LHFPL2: variants seen among roughly 807,000 people sequenced by gnomAD.
LHFPL2 encodes the protein LHFPL tetraspan subfamily member 2 protein.
Under a neutral mutation model 17.5 loss-of-function variants are expected in LHFPL2, and 7 were observed. That is an observed-to-expected ratio of 0.40 (90% CI 0.23 to 0.75). The LOEUF (loss-of-function observed/expected upper bound fraction) is 0.75, where lower values mean the gene tolerates loss of function less well. Among genes scored for constraint, LHFPL2 ranks in the 30% least tolerant of loss-of-function variants. LHFPL2 has a pLI of 0.37. For missense variants in LHFPL2, 241 were observed against 294.8 expected (o/e 0.82, Z 1.34); for synonymous variants, 134 against 116.2 (o/e 1.15, Z -0.99).
chr5:78,609,376 G>A (rs890469772), intron 2 of LHFPL2, among the ~76,000 whole-genome samples: 1 of 150,354 alleles, frequency 6.7e-6, no homozygotes, highest in Non-Finnish European at 1.5e-5. Context: ...ACTGGAACCC[G>A]GGAGGCAGAG....
At chr5:78,581,342 G>A (rs1034139511) in intron 2 of LHFPL2, among the ~76,000 whole-genome samples, 10 of 152,242 alleles carry the variant, frequency 6.6e-5, no homozygotes, top group African/African-American at 2.4e-4. Flanking sequence ...AATAGGAGTG[G>A]TGAGAGAGGG....
intron 4 of LHFPL2, chr5:78,494,284 A>T (rs1341331631): frequency 3.8e-6 from 3 of 786,658 alleles, no homozygotes; most frequent in Non-Finnish European, 4.6e-6. Context: ...AATGGGGGGG[A>T]GAATGACACT....
chr5:78,638,607 C>G (rs983428502), intron 1 of LHFPL2, among the ~76,000 whole-genome samples: 2 of 152,266 alleles, frequency 1.3e-5, no homozygotes, highest in South Asian at 4.1e-4. Context: ...TGTATCTTGG[C>G]ACAGACTCCA....
At chr5:78,528,776 C>T (rs1755694882) in intron 3 of LHFPL2, among the ~76,000 whole-genome samples, 2 of 152,216 alleles carry the variant, frequency 1.3e-5, no homozygotes, top group Non-Finnish European at 1.5e-5. Flanking sequence ...GAAACTGAGG[C>T]AATGGCCATT....
At chr5:78,605,435 C>T (rs1017080609) in intron 2 of LHFPL2, among the ~76,000 whole-genome samples, 3 of 152,162 alleles carry the variant, frequency 2.0e-5, no homozygotes, top group Admixed American at 6.5e-5. Context: ...TTGGCGACTC[C>T]TCTGTGCCAC....
intron 2 of LHFPL2, among the ~76,000 whole-genome samples, chr5:78,591,044 A>G (rs1351540929): frequency 6.6e-6 from 1 of 152,200 alleles, no homozygotes; most frequent in Non-Finnish European, 1.5e-5. Context: ...TTAGCCAAAT[A>G]TTTAACCTAG....
At chr5:78,513,908 C>G (rs887732482) in intron 3 of LHFPL2, among the ~76,000 whole-genome samples, 1 of 152,172 alleles carries the variant, frequency 6.6e-6, no homozygotes, top group Admixed American at 6.5e-5. Context: ...AACGGACTAA[C>G]AGAGGCTGCA....
At chr5:78,570,498 G>C (rs1045906638) in intron 2 of LHFPL2, among the ~76,000 whole-genome samples, 1 of 152,044 alleles carries the variant, frequency 6.6e-6, no homozygotes, top group Non-Finnish European at 1.5e-5. Context: ...TTGTAGGGTA[G>C]CCCTAGACTA....
At chr5:78,571,466 G>T (rs1273925524) in intron 2 of LHFPL2, among the ~76,000 whole-genome samples, 1 of 152,096 alleles carries the variant, frequency 6.6e-6, no homozygotes, top group East Asian at 1.9e-4. Context: ...AGTGGTAGGG[G>T]TCACATCCAC....
chr5:78,523,754 T>C (rs1395663870), intron 3 of LHFPL2, among the ~76,000 whole-genome samples: 1 of 152,150 alleles, frequency 6.6e-6, no homozygotes, highest in East Asian at 1.9e-4. Context: ...GAGATACACT[T>C]CAAAATGTTG....
At chr5:78,609,566 C>A (rs1440974072) in intron 2 of LHFPL2, among the ~76,000 whole-genome samples, 1 of 151,638 alleles carries the variant, frequency 6.6e-6, no homozygotes, top group Non-Finnish European at 1.5e-5. Flanking sequence ...AAACTCATGC[C>A]ACATAAAGAC....
chr5:78,604,240 G>A (rs1236958517), intron 2 of LHFPL2, among the ~76,000 whole-genome samples: 1 of 152,204 alleles, frequency 6.6e-6, no homozygotes, highest in Non-Finnish European at 1.5e-5. Context: ...CACTTTGGGA[G>A]GCCGAGGCAG....
rs115013321 is a variant in LHFPL2 at position 78,516,850 on chromosome 5, G to A, written c.-185-6452C>T. 5.9e-3 allele frequency among the ~76,000 whole-genome samples: 899 copies of A among 152,280 alleles called. 8 individuals are homozygous for A. Among genetic ancestry groups the A allele is most frequent in the African/African-American group, 0.021 (860 of 41,544 alleles). ...TTTCCTGGGGTCCTGGGTGGTCTCTGCATCACACGCTAAAGTTAACTTCTG... is the reference window on the plus strand; with the variant it reads ...TTTCCTGGGGTCCTGGGTGGTCTCTACATCACACGCTAAAGTTAACTTCTG... On this transcript the variant is annotated intron_variant, in intron 3 of 4. Transcript: ENST00000380345.
chr5:78,632,179 C>T (rs1252548148), intron 2 of LHFPL2, 85 bp downstream of exon 2: 1 of 152,164 alleles, frequency 6.6e-6, no homozygotes, highest in Non-Finnish European at 1.5e-5. Context: ...TGCTGCCCCA[C>T]ATTTAAGGAT....
intron 3 of LHFPL2, among the ~76,000 whole-genome samples, chr5:78,511,415 G>A (rs72760973): frequency 0.051 from 7,782 of 152,318 alleles, 264 homozygotes; most frequent in Non-Finnish European, 0.077. Context: ...TTCTTCAGAG[G>A]AGTCTGGACC....
intron 1 of LHFPL2, among the ~76,000 whole-genome samples, chr5:78,639,006 T>C (rs1016559528): frequency 1.1e-4 from 16 of 152,196 alleles, no homozygotes; most frequent in African/African-American, 3.6e-4. Flanking sequence ...TTGACCAATA[T>C]GGATATTAAG....
At chr5:78,638,605 G>C (rs990700092) in intron 1 of LHFPL2, among the ~76,000 whole-genome samples, 2 of 152,260 alleles carry the variant, frequency 1.3e-5, no homozygotes, top group Admixed American at 6.5e-5. Flanking sequence ...TCTGTATCTT[G>C]GCACAGACTC....
intron 2 of LHFPL2, among the ~76,000 whole-genome samples, chr5:78,623,911 C>A (rs570758063): frequency 6.6e-6 from 1 of 152,320 alleles, no homozygotes; most frequent in African/African-American, 2.4e-5. Context: ...TGCCAAAAAA[C>A]AGCCCCCATG....
At chr5:78,501,633 G>A (rs750194916) in intron 4 of LHFPL2, among the ~76,000 whole-genome samples, 21 of 152,168 alleles carry the variant, frequency 1.4e-4, no homozygotes, top group Admixed American at 3.3e-4. Flanking sequence ...ATTCACAGAC[G>A]TGATCATATT....
Sources: gnomAD v4.1 joint callset for allele counts (sites outside exome capture counted in the v4.1 genomes callset) on GRCh38, gnomAD v4.1.1 for gene constraint, MANE v1.5 for transcripts, NCBI Gene and HGNC (gene_info 2026-07-23, HGNC 2026-07-21) for gene names.